The following ZNF385D variants were observed in gnomAD, a reference collection of about 807,000 sequenced individuals.
ZNF385D encodes the protein zinc finger protein 385D.
A neutral mutation model predicts 35.8 loss-of-function variants in ZNF385D; 15 were observed. The observed-to-expected ratio is 0.42, with a 90% CI of 0.28 to 0.64. The LOEUF (loss-of-function observed/expected upper bound fraction) is 0.64, where lower values mean the gene tolerates loss of function less well. Ranked by LOEUF, ZNF385D falls within the 30% of genes least tolerant of loss-of-function variation. The pLI, the probability that ZNF385D is intolerant of heterozygous loss-of-function variation, is 0.23. For synonymous variants in ZNF385D, 212 were observed against 186.8 expected (o/e 1.13, Z -1.10); for missense variants, 474 against 494.6 (o/e 0.96, Z 0.39).
chr3:22,047,852 A>G (rs1233311316), intron 3 of ZNF385D, among the ~76,000 whole-genome samples: 1 of 152,112 alleles, frequency 6.6e-6, no homozygotes, highest in African/African-American at 2.4e-5. Flanking sequence ...GTACTAATTT[A>G]CTTTCCCACC....
At chr3:22,220,611 A>T (rs1039157816) in intron 2 of ZNF385D, among the ~76,000 whole-genome samples, 6 of 152,142 alleles carry the variant, frequency 3.9e-5, no homozygotes, top group Non-Finnish European at 8.8e-5. Flanking sequence ...TTACTTTTAG[A>T]ATTTTGCATA....
chr3:21,418,400 A>G lies in ZNF385D; in HGVS notation c.*2814T>C, dbSNP rs1700602370. ...AAATATATGGAGTGTGGGGGAAACA[A>G]CTCACAGAGAATCCACTGTAAGTTC... On this transcript the variant is annotated 3_prime_UTR_variant, in exon 8 of 8. Transcript: ENST00000281523. 6.6e-6 allele frequency: 1 copy of G among 152,138 alleles called. No homozygotes were observed. The highest frequency in any genetic ancestry group is 2.4e-5 in the African/African-American group (1 of 41,442). The allele number at this position is 152,138 out of a possible 1,614,324, so 9.4% of individuals were successfully genotyped here.
intron 2 of ZNF385D, among the ~76,000 whole-genome samples, chr3:21,565,126 C>T (rs1369807192): frequency 2.6e-5 from 4 of 152,024 alleles, no homozygotes; most frequent in Non-Finnish European, 5.9e-5. Context: ...CCAACATGAA[C>T]CTTATGCTAT....
At chr3:21,982,650 T>C (rs895822666) in intron 3 of ZNF385D, among the ~76,000 whole-genome samples, 1 of 152,298 alleles carries the variant, frequency 6.6e-6, no homozygotes, top group South Asian at 2.1e-4. Context: ...GACAGCATAC[T>C]TGTCTTGAGC....
chr3:22,246,923 T>C (rs1699814218), intron 2 of ZNF385D, among the ~76,000 whole-genome samples: 1 of 152,092 alleles, frequency 6.6e-6, no homozygotes, highest in African/African-American at 2.4e-5. Context: ...GCATATATTA[T>C]TGTACCTTTT....
At chr3:22,197,061 A>C (rs1696468591) in intron 2 of ZNF385D, among the ~76,000 whole-genome samples, 1 of 152,042 alleles carries the variant, frequency 6.6e-6, no homozygotes, top group Non-Finnish European at 1.5e-5. Flanking sequence ...TTTTCTGTTG[A>C]AAAGTCAGCT....
intron 3 of ZNF385D, among the ~76,000 whole-genome samples, chr3:21,931,647 T>C (rs1160608661): frequency 6.6e-6 from 1 of 152,058 alleles, no homozygotes; most frequent in Non-Finnish European, 1.5e-5. Context: ...TGAGAGATGC[T>C]AGATGCAGAT....
At chr3:22,214,470 C>T (rs1413202194) in intron 2 of ZNF385D, among the ~76,000 whole-genome samples, 9 of 152,160 alleles carry the variant, frequency 5.9e-5, no homozygotes, top group Non-Finnish European at 1.0e-4. Context: ...AAACTCTGAC[C>T]GCCGCTGAGC....
At chr3:21,865,369 T>C (rs1697290833) in intron 3 of ZNF385D, among the ~76,000 whole-genome samples, 1 of 150,720 alleles carries the variant, frequency 6.6e-6, no homozygotes, top group Non-Finnish European at 1.5e-5. Flanking sequence ...TTTTGCATCA[T>C]TCGTGAAAGA....
At chr3:22,174,297 G>C (rs1694672081) in intron 2 of ZNF385D, among the ~76,000 whole-genome samples, 1 of 152,056 alleles carries the variant, frequency 6.6e-6, no homozygotes, top group African/African-American at 2.4e-5. Context: ...TTTAGTCACT[G>C]TTCTTGCATC....
chr3:22,207,419 T>C (rs747496253), intron 2 of ZNF385D, among the ~76,000 whole-genome samples: 13 of 151,972 alleles, frequency 8.6e-5, no homozygotes, highest in South Asian at 6.2e-4. Context: ...CCCTATCTCC[T>C]GCCCTACACA....
At chr3:22,119,758 T>A (rs1310595104) in intron 3 of ZNF385D, among the ~76,000 whole-genome samples, 2 of 152,180 alleles carry the variant, frequency 1.3e-5, no homozygotes, top group Non-Finnish European at 2.9e-5. Flanking sequence ...CCCTGGGATT[T>A]CTCTGCTGAA....
At chr3:21,747,467 T>A (rs966850953) in intron 1 of ZNF385D, among the ~76,000 whole-genome samples, 1 of 152,178 alleles carries the variant, frequency 6.6e-6, no homozygotes, top group African/African-American at 2.4e-5. Context: ...ACAATCAGCC[T>A]CCCATTTTCT....
At chr3:22,122,558 A>G (rs1329364888) in intron 3 of ZNF385D, among the ~76,000 whole-genome samples, 2 of 152,202 alleles carry the variant, frequency 1.3e-5, no homozygotes, top group Admixed American at 1.3e-4. Flanking sequence ...AAGAAAAGTG[A>G]CAAAGCTCTC....
chr3:21,657,577 C>A (rs1408889773), intron 2 of ZNF385D, among the ~76,000 whole-genome samples: 1 of 151,902 alleles, frequency 6.6e-6, no homozygotes, highest in Non-Finnish European at 1.5e-5. Flanking sequence ...AACTAGAGAG[C>A]AATCTGCTAC....
intron 2 of ZNF385D, among the ~76,000 whole-genome samples, chr3:21,605,404 G>C (rs1435975710): frequency 6.6e-6 from 1 of 152,156 alleles, no homozygotes; most frequent in Admixed American, 6.5e-5. Context: ...GACAGAATGT[G>C]AATCATACCG....
intron 3 of ZNF385D, among the ~76,000 whole-genome samples, chr3:21,948,223 T>A (rs563121387): frequency 6.6e-6 from 1 of 151,212 alleles, no homozygotes; most frequent in Non-Finnish European, 1.5e-5. Flanking sequence ...ATGGCCCTCA[T>A]TTTTTTTACA....
At chr3:21,610,232 A>G (rs376536205) in intron 2 of ZNF385D, among the ~76,000 whole-genome samples, 159 of 152,290 alleles carry the variant, frequency 1.0e-3, no homozygotes, top group African/African-American at 3.3e-3. Context: ...ATTACAACAA[A>G]GGACAAACAT....
intron 3 of ZNF385D, among the ~76,000 whole-genome samples, chr3:21,984,365 G>C (rs1478955488): frequency 8.1e-6 from 1 of 123,662 alleles, no homozygotes; most frequent in Non-Finnish European, 1.6e-5. Flanking sequence ...AAGGGATCCA[G>C]TTTCAGCTTT....
Sources: allele counts gnomAD v4.1 joint callset (sites outside exome capture counted in the v4.1 genomes callset), GRCh38; gene constraint gnomAD v4.1.1; transcripts MANE v1.5; gene names NCBI Gene and HGNC (gene_info 2026-07-23, HGNC 2026-07-21).